SLC9B2: variants seen among roughly 807,000 people sequenced by gnomAD.
SLC9B2 encodes sodium/hydrogen exchanger 9B2.
Under a neutral mutation model 52.2 loss-of-function variants are expected in SLC9B2, and 39 were observed. That is an observed-to-expected ratio of 0.75 (90% CI 0.58 to 0.98). The LOEUF (loss-of-function observed/expected upper bound fraction) is 0.98, where lower values mean the gene tolerates loss of function less well. SLC9B2 is among the 50% of genes least tolerant of loss of function. The probability of loss-of-function intolerance (pLI) is 0.00; values close to 1 mark genes in which losing one functional copy is unlikely to be tolerated. For missense variants in SLC9B2, 626 were observed against 637.5 expected, an observed-to-expected ratio of 0.98 and a Z score of 0.19; for synonymous variants, 214 against 227.0, an observed-to-expected ratio of 0.94 and a Z score of 0.51.
At chr4:103,066,247 G>T in intron 3 of SLC9B2, 80 bp downstream of exon 3, 2 of 1,474,316 alleles carry the variant, frequency 1.4e-6, no homozygotes, top group African/African-American at 1.4e-5. Flanking sequence ...ACTTCTTTTT[G>T]TCCTTTCAAC....
chr4:103,059,685 G>C (rs1181683137), intron 3 of SLC9B2, among the ~76,000 whole-genome samples: 4 of 152,010 alleles, frequency 2.6e-5, no homozygotes, highest in African/African-American at 7.2e-5. Flanking sequence ...ATTGCTTGAC[G>C]ATACAAAATA....
rs1362704824 is a variant in SLC9B2 at position 103,027,847 on chromosome 4, A to G, written c.1392+900T>C. ...GGAGTAATGCCCAAATGCAAAGAGC[A>G]TAATTGAAATCTGGAATATAACTGC... On this transcript the variant is annotated intron_variant, in intron 11 of 11. Coordinates refer to ENST00000394785, the MANE Select transcript of SLC9B2 (RefSeq NM_178833.7). Among the ~76,000 whole-genome samples, 6 of 152,302 alleles carry G rather than the reference A, an allele frequency of 3.9e-5. No individual in the cohort carries two copies. In the East Asian group the frequency reaches 9.6e-4, roughly 24 times the overall value.
rs531088134 is a variant in SLC9B2 at position 103,048,018 on chromosome 4, T to C, written c.714-792A>G. Among the ~76,000 whole-genome samples, 72 of 152,292 alleles carry C rather than the reference T, an allele frequency of 4.7e-4. 1 individual carries two copies. The South Asian group carries it at 0.014, about 30-fold the overall frequency. On this transcript the variant is annotated intron_variant, in intron 6 of 11. Transcript: ENST00000394785. ...AACAAAAAAATTCATGTTATAAGGTTTGAAAATGCATGGACTTTCTGATTT... is the reference window on the plus strand; with the variant it reads ...AACAAAAAAATTCATGTTATAAGGTCTGAAAATGCATGGACTTTCTGATTT...
At chr4:103,019,468 G>T, downstream of SLC9B2, 1 of 517,002 alleles carries the variant, frequency 1.9e-6, no homozygotes, top group Non-Finnish European at 2.5e-6. Context: ...TGGGAGAAGA[G>T]CCCAAGAATC....
intron 3 of SLC9B2, among the ~76,000 whole-genome samples, chr4:103,059,530 C>T (rs922073102): frequency 6.6e-6 from 1 of 152,212 alleles, no homozygotes; most frequent in African/African-American, 2.4e-5. Context: ...AGCCCCTAAA[C>T]CAGCTACTAA....
intron 9 of SLC9B2, 45 bp from the exon 10 acceptor site, chr4:103,031,853 T>A (rs1204254284): frequency 1.3e-6 from 2 of 1,549,436 alleles, no homozygotes; most frequent in African/African-American, 2.7e-5. Flanking sequence ...TATGTGAAGT[T>A]ACAAATGCAA....
chr4:103,019,315 ATCTCT>A (rs1454711198), downstream of SLC9B2, among the ~76,000 whole-genome samples: 3 of 152,350 alleles, frequency 2.0e-5, no homozygotes, highest in South Asian at 2.1e-4. Flanking sequence ...TAACTGACAG[ATCTCT>A]TCTTTCTTAC....
In SLC9B2 at chr4:103,043,434, C is replaced by T. The variant is rs556063952; in HGVS notation, c.1008G>A (p.Val336=). The T allele has an allele frequency of 2.5e-6, 4 of 1,605,878 alleles. No individual in the cohort carries two copies. The highest frequency in any genetic ancestry group is 3.4e-6 in the Non-Finnish European group (4 of 1,177,620). The change falls in exon 9 of 12, where the codon GTG becomes GTA. Residue 336 remains valine, a synonymous_variant. Coordinates refer to ENST00000394785, the MANE Select transcript of SLC9B2 (RefSeq NM_178833.7). ...CCAACACAAGGAATGTTCTCTTACACACAAGTTTGTCCTTTAGGAGAAAAA... is the reference window on the plus strand; with the variant it reads ...CCAACACAAGGAATGTTCTCTTACATACAAGTTTGTCCTTTAGGAGAAAAA... ...YFPSRDQDKL[V]CKRTFLVLGL...
chr4:103,052,453 T>A (rs1441239033), intron 4 of SLC9B2, among the ~76,000 whole-genome samples: 1 of 152,212 alleles, frequency 6.6e-6, no homozygotes, highest in Non-Finnish European at 1.5e-5. Flanking sequence ...CATATTATAA[T>A]TTCAAGCAGT....
chr4:103,063,669 T>C lies in SLC9B2; in HGVS notation c.271+2658A>G, dbSNP rs149823988. 8.3e-3 allele frequency among the ~76,000 whole-genome samples: 1,267 copies of C among 152,200 alleles called. 71 individuals are homozygous for C. Among genetic ancestry groups the C allele is most frequent in the Admixed American group, 0.073 (1,110 of 15,296 alleles). On this transcript the variant is annotated intron_variant, in intron 3 of 11. Transcript: ENST00000394785. The stretch of plus-strand genomic sequence containing the variant: ...CTTTTTGGATATGACTCCAAAAATA[T>C]AGGCAACAAAAGCAAGAACAGACAA...
chr4:103,022,945 T>C lies in SLC9B2; in HGVS notation c.*3425A>G, dbSNP rs532109765. On this transcript the variant is annotated 3_prime_UTR_variant, in exon 12 of 12. Coordinates refer to ENST00000394785, the MANE Select transcript of SLC9B2 (RefSeq NM_178833.7). ...TGACACATGAGTGAGAGGGTGAGAA[T>C]GTGGCCATTGGCAAGCCAGGGAGAG... 8.5e-5 allele frequency among the ~76,000 whole-genome samples: 13 copies of C among 152,182 alleles called. No homozygotes were observed. The highest frequency in any genetic ancestry group is 1.6e-4 in the Non-Finnish European group (11 of 68,028).
At chr4:103,026,683 T>G in intron 11 of SLC9B2, 92 bp from the exon 12 acceptor site, 2 of 1,193,932 alleles carry the variant, frequency 1.7e-6, no homozygotes, top group Non-Finnish European at 2.3e-6. Context: ...GCAAATTGCT[T>G]GTTCTTTTGC....
At chr4:103,036,587 A>C (rs1315884629) in intron 9 of SLC9B2, among the ~76,000 whole-genome samples, 5 of 152,236 alleles carry the variant, frequency 3.3e-5, no homozygotes, top group African/African-American at 1.2e-4. Flanking sequence ...AAGAGATACA[A>C]ATAGTCACAA....
chr4:103,028,859 A>G lies in SLC9B2; in HGVS notation c.1280T>C (p.Ile427Thr), dbSNP rs147533176. The G allele has an allele frequency of 1.1e-4, 171 of 1,603,116 alleles. No individual in the cohort carries two copies. The highest frequency in any genetic ancestry group is 1.3e-4 in the Non-Finnish European group (155 of 1,176,614). The change falls in exon 11 of 12, where the codon ATT becomes ACT. Residue 427 changes from isoleucine (I) to threonine (T), a missense_variant. Physicochemically the swap from Ile to Thr is moderately conservative, Grantham distance 89. Transcript: ENST00000394785. ...AGTCAAAATTCGTATCAATACTGCAATGCCTACGGTGGCAACACAAAGGCC... is the reference window on the plus strand; with the variant it reads ...AGTCAAAATTCGTATCAATACTGCAGTGCCTACGGTGGCAACACAAAGGCC... The part of the protein sequence containing the change: ...TVGLCVATVG[I>T]AVLIRILTTF...
rs186076367 is a variant in SLC9B2 at position 103,031,632 on chromosome 4, G to A, written c.1255+68C>T. ...GATATTTCAATGAATATAAAAAGTA[G>A]ACTTTATTGGTGAGTAGGCTGACCA... On this transcript the variant is annotated intron_variant, in intron 10 of 11. Coordinates refer to ENST00000394785, the MANE Select transcript of SLC9B2 (RefSeq NM_178833.7). 8.1e-6 allele frequency: 9 copies of A among 1,113,588 alleles called. No homozygotes were observed. The Admixed American group carries it at 1.8e-4, about 22-fold the overall frequency. 69.0% of individuals were successfully genotyped at this position (1,113,588 alleles called of 1,614,324 possible).
intron 10 of SLC9B2, 149 bp downstream of exon 10, chr4:103,031,551 A>C: frequency 1.9e-6 from 1 of 513,732 alleles, no homozygotes; most frequent in Non-Finnish European, 3.4e-6. Context: ...CTTACATCAT[A>C]ATTAACTTTT....
chr4:103,019,492 G>A, downstream of SLC9B2: 1 of 723,466 alleles, frequency 1.4e-6, no homozygotes, highest in Non-Finnish European at 1.7e-6. Flanking sequence ...TTGAACTGAG[G>A]GGGAGGAAAG....
rs1445695192 is a variant in SLC9B2, at chr4:103,024,760, G to A, written c.*1610C>T. The stretch of plus-strand genomic sequence containing the variant: ...TAAAAACTGTAAACTGTATGTGAAT[G>A]TGATTATTTCAGTAACTACACAGAA... On this transcript the variant is annotated 3_prime_UTR_variant, in exon 12 of 12. Transcript: ENST00000394785. Among the ~76,000 whole-genome samples, 1 of 152,200 alleles carries A rather than the reference G, an allele frequency of 6.6e-6. No individual in the cohort carries two copies. The highest frequency in any genetic ancestry group is 2.4e-5 in the African/African-American group (1 of 41,446).
intron 3 of SLC9B2, among the ~76,000 whole-genome samples, chr4:103,058,464 C>T (rs1560556043): frequency 6.6e-6 from 1 of 152,214 alleles, no homozygotes; most frequent in African/African-American, 2.4e-5. Flanking sequence ...GTAGCACAAT[C>T]ATGGCTCACT....
Sources: allele counts gnomAD v4.1 joint callset (sites outside exome capture counted in the v4.1 genomes callset), GRCh38; gene constraint gnomAD v4.1.1; transcripts MANE v1.5; gene names NCBI Gene and HGNC (gene_info 2026-07-23, HGNC 2026-07-21).